Variants in MAOB observed in about 807,000 individuals in gnomAD.
The protein encoded by MAOB is amine oxidase [flavin-containing] B.
A neutral mutation model predicts 41.9 loss-of-function variants in MAOB; 15 were observed. That is an observed-to-expected ratio of 0.36 (90% CI 0.24 to 0.55). MAOB has a LOEUF of 0.55. Among genes scored for constraint, MAOB ranks in the 20% least tolerant of loss-of-function variants. The pLI is 0.86. For synonymous variants in MAOB, 167 were observed against 144.2 expected, an observed-to-expected ratio of 1.16 and a Z score of -1.13; for missense variants, 345 against 398.7, an observed-to-expected ratio of 0.87 and a Z score of 1.15.
chrX:43,848,031 G>A (rs558066894), intron 1 of MAOB, among the ~76,000 whole-genome samples: 1 of 112,323 alleles, frequency 8.9e-6, no homozygotes, highest in South Asian at 3.7e-4. Context: ...TCTCAATTAC[G>A]AGTAGACACC....
At chrX:43,777,343 G>T (rs1460271667) in intron 11 of MAOB, among the ~76,000 whole-genome samples, 3 of 111,003 alleles carry the variant, frequency 2.7e-5, no homozygotes, top group African/African-American at 6.6e-5. Context: ...CCTTGAGCCT[G>T]GAGGCTATGC....
rs746770879 is a variant in MAOB, at chrX:43,880,024, G to A, written c.46+2230C>T. Among the ~76,000 whole-genome samples, 9 of 112,104 alleles carry A rather than the reference G, an allele frequency of 8.0e-5. No individual in the cohort carries two copies. The East Asian group carries it at 2.5e-3, about 32-fold the overall frequency. On this transcript the variant is annotated intron_variant, in intron 1 of 14. Transcript: ENST00000378069. ...TAGATTTTCTCAGACAGAGTTTGAT[G>A]TTCTCTCCAATCACCTTCCCTAGAA... is the stretch of plus-strand genomic sequence containing the variant.
chrX:43,817,079 CTCTT>C (rs1285737978), intron 3 of MAOB, among the ~76,000 whole-genome samples: 2 of 109,399 alleles, frequency 1.8e-5, no homozygotes, highest in African/African-American at 3.3e-5. Flanking sequence ...CTCTCTCTCT[CTCTT>C]CTTCTTCTTT....
intron 11 of MAOB, among the ~76,000 whole-genome samples, chrX:43,776,952 T>C (rs1030688938): frequency 9.0e-6 from 1 of 111,437 alleles, no homozygotes; most frequent in African/African-American, 3.3e-5. Context: ...ATCATTTTTA[T>C]GGCTGCATAG....
chrX:43,784,083 C>T (rs1272770164), intron 8 of MAOB, among the ~76,000 whole-genome samples: 2 of 112,019 alleles, frequency 1.8e-5, no homozygotes, highest in Non-Finnish European at 3.8e-5. Context: ...TCAGGTTCCA[C>T]TTATGATTCT....
chrX:43,875,009 A>AATGC (rs1393817868), intron 1 of MAOB, among the ~76,000 whole-genome samples: 1 of 112,256 alleles, frequency 8.9e-6, no homozygotes, highest in East Asian at 2.8e-4. Context: ...TCAGTAAATA[A>AATGC]ATGCATGCTG....
At position 43,767,420 on chromosome X, in the gene MAOB, C is replaced by A; in HGVS notation, c.*46G>T. ...TGCAACTCTTTCCCCAAACTCATAT[C>A]CCAAATACAGTAAGAAGAGAGTGTG... is the stretch of plus-strand genomic sequence containing the variant. On this transcript the variant is annotated 3_prime_UTR_variant, in exon 15 of 15. Transcript: ENST00000378069. The A allele has an allele frequency of 8.6e-7, 1 of 1,157,188 alleles. No individual in the cohort carries two copies. The highest frequency in any genetic ancestry group is 1.2e-6 in the Non-Finnish European group (1 of 856,915).
At chrX:43,781,262 T>C (rs2034328295) in intron 9 of MAOB, among the ~76,000 whole-genome samples, 186 bp downstream of exon 9, 1 of 112,050 alleles carries the variant, frequency 8.9e-6, no homozygotes, top group South Asian at 3.7e-4. Flanking sequence ...CCTACCTAGA[T>C]ATTTATTCAT....
At chrX:43,804,864 C>T (rs1213832933) in intron 3 of MAOB, among the ~76,000 whole-genome samples, 2 of 112,001 alleles carry the variant, frequency 1.8e-5, no homozygotes, top group Non-Finnish European at 3.8e-5. Context: ...AATAGCTTGA[C>T]AGAAACATTA....
chrX:43,850,504 T>C (rs1251023247), intron 1 of MAOB: 19 of 749,533 alleles, frequency 2.5e-5, no homozygotes, highest in Non-Finnish European at 3.0e-5. Context: ...TTCCTGAGAA[T>C]GCACCAGTCA....
chrX:43,848,475 C>T (rs1224326633), intron 1 of MAOB, among the ~76,000 whole-genome samples: 1 of 110,633 alleles, frequency 9.0e-6, no homozygotes, highest in Non-Finnish European at 1.9e-5. Flanking sequence ...TATTGTAATC[C>T]TGGTAAACTA....
chrX:43,795,564 T>C (rs1345974181), intron 7 of MAOB, among the ~76,000 whole-genome samples, 175 bp downstream of exon 7: 2 of 111,608 alleles, frequency 1.8e-5, no homozygotes, highest in Non-Finnish European at 3.8e-5. Flanking sequence ...CCCAACCCTC[T>C]AGTCTTTCCA....
chrX:43,795,646 G>T, intron 7 of MAOB, 93 bp downstream of exon 7: 1 of 771,456 alleles, frequency 1.3e-6, no homozygotes. Context: ...TGGCATCAAA[G>T]GACATCACTC....
chrX:43,835,677 G>A (rs1314866272), intron 3 of MAOB, among the ~76,000 whole-genome samples: 1 of 111,768 alleles, frequency 8.9e-6, no homozygotes, highest in Non-Finnish European at 1.9e-5. Flanking sequence ...CTATTATGGA[G>A]CTGGCATGAA....
intron 1 of MAOB, among the ~76,000 whole-genome samples, chrX:43,857,100 TATATATATATATATATAGAG>T (rs2035296121): frequency 8.7e-5 from 2 of 23,097 alleles, no homozygotes; most frequent in African/African-American, 3.7e-4. Context: ...TATATATATA[TATATATATATATATATAGAG>T]AGAGAGAGAG....
At chrX:43,875,536 A>G (rs915913209) in intron 1 of MAOB, among the ~76,000 whole-genome samples, 1 of 112,093 alleles carries the variant, frequency 8.9e-6, no homozygotes, top group Non-Finnish European at 1.9e-5. Flanking sequence ...AAGCCCAGCG[A>G]ATGAGATTCT....
At chrX:43,846,473 G>A (rs1446407521) in intron 1 of MAOB, among the ~76,000 whole-genome samples, 1 of 111,962 alleles carries the variant, frequency 8.9e-6, no homozygotes, top group African/African-American at 3.2e-5. Flanking sequence ...AAAATATGTT[G>A]CTGGAAGTAA....
chrX:43,814,073 G>A (rs2034779724), intron 3 of MAOB, among the ~76,000 whole-genome samples: 1 of 110,511 alleles, frequency 9.0e-6, no homozygotes, highest in African/African-American at 3.3e-5. Flanking sequence ...AATATCTGGA[G>A]GGGAGAATGC....
In MAOB at chrX:43,767,320, A is replaced by G. The variant is rs895217777; in HGVS notation, c.*146T>C. On this transcript the variant is annotated 3_prime_UTR_variant, in exon 15 of 15. Transcript: ENST00000378069. The stretch of plus-strand genomic sequence containing the variant: ...CACAACGGAGAAAGAGATACCATGT[A>G]TTTTACAGTCAGAGTTGGATTTATC... 1 of 540,215 alleles carries G rather than the reference A, an allele frequency of 1.9e-6. No individual in the cohort carries two copies. Among genetic ancestry groups the G allele is most frequent in the East Asian group, 3.8e-5 (1 of 26,617 alleles). 44.5% of individuals were successfully genotyped at this position (540,215 alleles called of 1,213,427 possible).
Sources: gnomAD v4.1 joint callset for allele counts (sites outside exome capture counted in the v4.1 genomes callset) on GRCh38, gnomAD v4.1.1 for gene constraint, MANE v1.5 for transcripts, NCBI Gene and HGNC (gene_info 2026-07-23, HGNC 2026-07-21) for gene names.